Variants in BIK observed in about 807,000 individuals in gnomAD.
BIK encodes the protein BCL2 interacting killer, also known as bcl-2-interacting killer.
Under a neutral mutation model 12.1 loss-of-function variants are expected in BIK, and 14 were observed. The ratio of observed to expected loss-of-function variants is 1.16; its 90% CI spans 0.77 to 1.81. The LOEUF (loss-of-function observed/expected upper bound fraction) is 1.81. Among genes scored for constraint, BIK ranks in the 40% most tolerant of loss-of-function variants. The probability of loss-of-function intolerance (pLI) is 0.00; values close to 1 mark genes in which losing one functional copy is unlikely to be tolerated. For missense variants in BIK, 215 were observed against 207.9 expected, an observed-to-expected ratio of 1.03 and a Z score of -0.21; for synonymous variants, 86 against 92.3, an observed-to-expected ratio of 0.93 and a Z score of 0.39.
chr22:43,125,354 C>A (rs1000221934), intron 2 of BIK, among the ~76,000 whole-genome samples: 1 of 152,156 alleles, frequency 6.6e-6, no homozygotes, highest in African/African-American at 2.4e-5. Context: ...TGTTACCCAG[C>A]CCCTAATCAA....
rs542074272 is a variant in BIK, at chr22:43,111,091, C to T, written c.-8+288C>T. On this transcript the variant is annotated intron_variant, in intron 1 of 4. Coordinates refer to ENST00000216115, the MANE Select transcript of BIK (RefSeq NM_001197.5). Reference sequence around the variant, plus strand: ...ATGGGGTGGTCCCTCTGCGTCTCGCCGCGACGGCTGGACGCCCCATCGCCG... The same window carrying T: ...ATGGGGTGGTCCCTCTGCGTCTCGCTGCGACGGCTGGACGCCCCATCGCCG... Among the ~76,000 whole-genome samples, 4 of 152,128 alleles carry T rather than the reference C, an allele frequency of 2.6e-5. No individual in the cohort carries two copies. The South Asian group carries it at 8.3e-4, about 31-fold the overall frequency.
chr22:43,111,317 G>A (rs962255202), intron 1 of BIK, among the ~76,000 whole-genome samples: 2 of 152,214 alleles, frequency 1.3e-5, no homozygotes, highest in Non-Finnish European at 2.9e-5. Context: ...AGGAAGGGCC[G>A]AGGAAAGGCT....
intron 2 of BIK, among the ~76,000 whole-genome samples, chr22:43,125,078 A>C (rs954623553): frequency 6.6e-6 from 1 of 152,154 alleles, no homozygotes; most frequent in African/African-American, 2.4e-5. Context: ...CAACTTCCTG[A>C]CGTTGCCGTG....
chr22:43,125,030 G>A (rs1005225366), intron 2 of BIK, among the ~76,000 whole-genome samples: 1 of 152,160 alleles, frequency 6.6e-6, no homozygotes, highest in African/African-American at 2.4e-5. Context: ...GGCAGTTCCC[G>A]GAACCGAGAA....
intron 1 of BIK, among the ~76,000 whole-genome samples, chr22:43,112,938 T>A (rs552889282): frequency 1.3e-5 from 2 of 152,174 alleles, no homozygotes; most frequent in South Asian, 2.1e-4. Flanking sequence ...GCATGGTGGC[T>A]CACATTTGTA....
intron 1 of BIK, among the ~76,000 whole-genome samples, chr22:43,114,835 C>A (rs1930080351): frequency 6.6e-6 from 1 of 152,216 alleles, no homozygotes; most frequent in Non-Finnish European, 1.5e-5. Flanking sequence ...TTACTGCATA[C>A]CATGCATGCA....
At chr22:43,123,229 TAC>T (rs1300262819) in intron 1 of BIK, among the ~76,000 whole-genome samples, 1 of 151,996 alleles carries the variant, frequency 6.6e-6, no homozygotes, top group Non-Finnish European at 1.5e-5. Flanking sequence ...GGGATTGTGA[TAC>T]GTTTTTCTCA....
At chr22:43,121,888 C>G (rs1601731045) in intron 1 of BIK, among the ~76,000 whole-genome samples, 1 of 152,206 alleles carries the variant, frequency 6.6e-6, no homozygotes, top group Non-Finnish European at 1.5e-5. Context: ...TATGTCACCA[C>G]GCCTGGCTAA....
At chr22:43,125,380 G>A (rs1930293535) in intron 2 of BIK, among the ~76,000 whole-genome samples, 1 of 152,084 alleles carries the variant, frequency 6.6e-6, no homozygotes, top group South Asian at 2.1e-4. Context: ...AGTCGCTCTG[G>A]TTCAACTGCC....
intron 1 of BIK, among the ~76,000 whole-genome samples, chr22:43,116,615 C>G (rs1342402829): frequency 6.6e-6 from 1 of 152,054 alleles, no homozygotes; most frequent in African/African-American, 2.4e-5. Flanking sequence ...CCCACCCCCA[C>G]GCCCGGCTAA....
intron 1 of BIK, among the ~76,000 whole-genome samples, chr22:43,111,904 G>T (rs1032026805): frequency 6.6e-6 from 1 of 152,114 alleles, no homozygotes; most frequent in East Asian, 1.9e-4. Context: ...TCAGTCCCAG[G>T]AGGCACAGAA....
At chr22:43,121,919 C>T (rs1401877795) in intron 1 of BIK, among the ~76,000 whole-genome samples, 3 of 152,112 alleles carry the variant, frequency 2.0e-5, no homozygotes, top group Non-Finnish European at 4.4e-5. Flanking sequence ...TTATTAGAGG[C>T]GGGGTTTTAC....
chr22:43,112,206 G>GTT (rs147814376), intron 1 of BIK, among the ~76,000 whole-genome samples: 10 of 151,262 alleles, frequency 6.6e-5, no homozygotes, highest in African/African-American at 2.4e-4. Flanking sequence ...GTTTCTTTTT[G>GTT]TTTTTTTTTG....
chr22:43,124,209 C>A lies in BIK; in HGVS notation c.161+26C>A, dbSNP rs1311484588. 10 of 1,611,272 alleles carry A rather than the reference C, an allele frequency of 6.2e-6. No individual in the cohort carries two copies. The Admixed American group carries it at 1.5e-4, about 24-fold the overall frequency. On this transcript the variant is annotated intron_variant, in intron 2 of 4. Transcript: ENST00000216115. ...GTAGGTCCCCATGGCCTGCCCTACC[C>A]CCTGCCTGATAGTGACTTCAGGGGT... is the stretch of plus-strand genomic sequence containing the variant.
chr22:43,119,494 T>C (rs1930179502), intron 1 of BIK, among the ~76,000 whole-genome samples: 1 of 152,032 alleles, frequency 6.6e-6, no homozygotes, highest in Non-Finnish European at 1.5e-5. Flanking sequence ...CTGTGCCGGA[T>C]CATTTCATCC....
At position 43,128,613 on chromosome 22, in the gene BIK, C is replaced by T. The variant is rs750414104; in HGVS notation, c.378C>T (p.Asn126=). Residue 126 remains asparagine (N), a synonymous_variant, in exon 4 of 5, where the codon AAC becomes AAT. Coordinates refer to ENST00000216115, the MANE Select transcript of BIK (RefSeq NM_001197.5). ...TAATGAGGTTCTGGAGATCCCCGAA[C>T]CCCGGGTCCTGGGTAAGAGCCTTGA... ...ENIMRFWRSP[N]PGSWVSCEQV... 3.7e-6 allele frequency: 6 copies of T among 1,610,674 alleles called. No individual in the cohort carries two copies. In the Admixed American group the frequency reaches 5.0e-5, roughly 14 times the overall value.
intron 1 of BIK, among the ~76,000 whole-genome samples, chr22:43,113,706 C>T (rs1267907026): frequency 1.3e-5 from 2 of 152,200 alleles, no homozygotes; most frequent in Non-Finnish European, 2.9e-5. Context: ...GAAGCTGACA[C>T]CACTGCTGGT....
chr22:43,128,323 A>C (rs1347302539), intron 3 of BIK, among the ~76,000 whole-genome samples, 173 bp from the exon 4 acceptor site: 1 of 152,204 alleles, frequency 6.6e-6, no homozygotes, highest in Non-Finnish European at 1.5e-5. Flanking sequence ...CAAACAGTCC[A>C]TACCACGCGG....
At chr22:43,124,242 A>T (rs1417114192) in intron 2 of BIK, 59 bp downstream of exon 2, 11 of 1,584,934 alleles carry the variant, frequency 6.9e-6, no homozygotes, top group Non-Finnish European at 9.5e-6. Context: ...GGTGGGCTGG[A>T]TGAGCAGACA....
Sources: allele counts gnomAD v4.1 joint callset (sites outside exome capture counted in the v4.1 genomes callset), GRCh38; gene constraint gnomAD v4.1.1; transcripts MANE v1.5; gene names NCBI Gene and HGNC (gene_info 2026-07-23, HGNC 2026-07-21).